LSM14A: variants seen among roughly 807,000 people sequenced by gnomAD.
LSM14A encodes the protein protein LSM14 homolog A.
A neutral mutation model predicts 52.4 loss-of-function variants in LSM14A; 14 were observed. That is an observed-to-expected ratio of 0.27 (90% CI 0.18 to 0.42). The LOEUF (loss-of-function observed/expected upper bound fraction) is 0.42. LSM14A is among the 10% of genes least tolerant of loss of function. The pLI, the probability that LSM14A is intolerant of heterozygous loss-of-function variation, is 1.00. For synonymous variants in LSM14A, 185 were observed against 200.3 expected, an observed-to-expected ratio of 0.92 and a Z score of 0.64; for missense variants, 417 against 581.8, an observed-to-expected ratio of 0.72 and a Z score of 2.91.
chr19:34,197,235 T>C (rs926073370), intron 3 of LSM14A, among the ~76,000 whole-genome samples: 1 of 151,528 alleles, frequency 6.6e-6, no homozygotes, highest in Non-Finnish European at 1.5e-5. Context: ...GAGATTACGA[T>C]ATGCATCACC....
chr19:34,225,144 C>T (rs1290064993), intron 9 of LSM14A, among the ~76,000 whole-genome samples: 1 of 152,188 alleles, frequency 6.6e-6, no homozygotes, highest in Non-Finnish European at 1.5e-5. Flanking sequence ...ACACTCAGCT[C>T]AACATGGAGC....
chr19:34,194,461 C>G lies in LSM14A; in HGVS notation c.122-17C>G. Reference sequence around the variant, plus strand: ...GATGAGTAGTCACACATCTCATATCCTTTGTTTTCTTGCCAGTTCGATCCT... The same window carrying G: ...GATGAGTAGTCACACATCTCATATCGTTTGTTTTCTTGCCAGTTCGATCCT... On this transcript the variant is annotated splice_polypyrimidine_tract_variant and intron_variant, in intron 1 of 9. Transcript: ENST00000544216. The G allele has an allele frequency of 6.2e-7, 1 of 1,612,802 alleles. No individual in the cohort carries two copies. Among genetic ancestry groups the G allele is most frequent in the Non-Finnish European group, 8.5e-7 (1 of 1,178,942 alleles).
rs1568506311 is a variant in LSM14A, at chr19:34,227,356, CT to C, written c.1369-3del. The C allele has an allele frequency of 6.3e-7, 1 of 1,580,500 alleles. No individual in the cohort carries two copies. The highest frequency in any genetic ancestry group is 8.6e-7 in the Non-Finnish European group (1 of 1,164,512). ...TGGAACATGAGCTAAATTTTTTTTTCTTTTTTAGAAAGACAACAAAGTTGCT... is the reference window on the plus strand; with the variant it reads ...TGGAACATGAGCTAAATTTTTTTTTCTTTTTAGAAAGACAACAAAGTTGCT... On this transcript the variant is annotated splice_polypyrimidine_tract_variant and splice_region_variant and intron_variant, in intron 9 of 9. Transcript: ENST00000544216.
At chr19:34,206,903 G>A (rs569209927) in intron 3 of LSM14A, among the ~76,000 whole-genome samples, 3 of 152,188 alleles carry the variant, frequency 2.0e-5, no homozygotes, top group Non-Finnish European at 4.4e-5. Flanking sequence ...CTGCGAAGCT[G>A]CAACATTTGA....
intron 2 of LSM14A, among the ~76,000 whole-genome samples, chr19:34,195,694 A>G (rs2070783046): frequency 6.6e-6 from 1 of 152,212 alleles, no homozygotes; most frequent in African/African-American, 2.4e-5. Flanking sequence ...CTTTAAATGG[A>G]GAAGGAAGAG....
rs762450044 is a variant in LSM14A at position 34,219,548 on chromosome 19, G to A, written c.939G>A (p.Glu313=). The A allele has an allele frequency of 1.2e-6, 2 of 1,610,376 alleles. No homozygotes were observed. Among genetic ancestry groups the A allele is most frequent in the Non-Finnish European group, 1.7e-6 (2 of 1,178,408 alleles). The change falls in exon 7 of 10, where the codon GAG becomes GAA. Residue 313 remains glutamate (E), a synonymous_variant. Coordinates refer to ENST00000544216, the MANE Select transcript of LSM14A (RefSeq NM_015578.4). ...AQFNKEEIDR[E]FHNKLKLKED... The stretch of plus-strand genomic sequence containing the variant: ...TCAACAAGGAAGAGATTGACAGAGA[G>A]TTTCATAATAAACTTAAATTAAAAG...
intron 1 of LSM14A, among the ~76,000 whole-genome samples, chr19:34,192,667 A>G (rs1166653206): frequency 7.0e-6 from 1 of 143,214 alleles, no homozygotes; most frequent in African/African-American, 2.6e-5. Flanking sequence ...AAAAAAAAAA[A>G]GCGTATGCAT....
chr19:34,215,587 C>T lies in LSM14A; in HGVS notation c.716-9C>T. ...GTTGATTTGGCACTTTGCATGTCTT[C>T]TTCTGTAGCTGAAGTACACAAAGTT... On this transcript the variant is annotated splice_polypyrimidine_tract_variant and intron_variant, in intron 5 of 9. Coordinates refer to ENST00000544216, the MANE Select transcript of LSM14A (RefSeq NM_015578.4). 6.2e-7 allele frequency: 1 copy of T among 1,608,888 alleles called. No individual in the cohort carries two copies.
chr19:34,220,625 T>G (rs1489665593), intron 8 of LSM14A, among the ~76,000 whole-genome samples: 3 of 152,344 alleles, frequency 2.0e-5, no homozygotes, highest in Non-Finnish European at 4.4e-5. Context: ...AAATTGTCAT[T>G]GTCCTTGTCC....
intron 1 of LSM14A, among the ~76,000 whole-genome samples, chr19:34,174,371 C>G (rs528510386): frequency 6.6e-6 from 1 of 152,338 alleles, no homozygotes; most frequent in East Asian, 1.9e-4. Context: ...AGTTGCACAA[C>G]TCTGCAAATT....
chr19:34,208,423 G>GTT (rs1321774747), intron 3 of LSM14A: 1 of 152,216 alleles, frequency 6.6e-6, no homozygotes, highest in African/African-American at 2.4e-5. Flanking sequence ...ACTTTTTGCA[G>GTT]CTGCTTTAGG....
At chr19:34,173,935 T>TTTA (rs958971707) in intron 1 of LSM14A, among the ~76,000 whole-genome samples, 1 of 23,830 alleles carries the variant, frequency 4.2e-5, no homozygotes, top group African/African-American at 4.2e-4. Context: ...TGGTAAATCC[T>TTTA]TTATTTATTT....
intron 3 of LSM14A, chr19:34,208,255 G>A (rs1217799956): frequency 6.6e-6 from 1 of 152,190 alleles, no homozygotes. Flanking sequence ...TTGAAATATA[G>A]TGAAAACCTG....
intron 3 of LSM14A, among the ~76,000 whole-genome samples, chr19:34,198,844 G>A (rs1599686134): frequency 1.3e-5 from 2 of 151,760 alleles, no homozygotes; most frequent in African/African-American, 2.4e-5. Flanking sequence ...AAAATTAGCC[G>A]GGCGTGGTGG....
At chr19:34,196,878 CTT>C (rs926975345) in intron 3 of LSM14A, 115 bp downstream of exon 3, 198 of 923,982 alleles carry the variant, frequency 2.1e-4, no homozygotes, top group Non-Finnish European at 2.9e-4. Flanking sequence ...CCTTTTGTAA[CTT>C]TGTTTTATGG....
intron 1 of LSM14A, among the ~76,000 whole-genome samples, chr19:34,179,770 C>T (rs2069343444): frequency 6.6e-6 from 1 of 152,094 alleles, no homozygotes; most frequent in African/African-American, 2.4e-5. Context: ...TAACTCAGTG[C>T]CACAGTAATA....
intron 1 of LSM14A, among the ~76,000 whole-genome samples, chr19:34,188,914 C>T (rs938885221): frequency 7.9e-5 from 12 of 151,766 alleles, no homozygotes; most frequent in African/African-American, 1.2e-4. Flanking sequence ...TACCATTTGG[C>T]TGTTTTGAAT....
chr19:34,173,003 C>T (rs1280052629), intron 1 of LSM14A, among the ~76,000 whole-genome samples: 1 of 152,196 alleles, frequency 6.6e-6, no homozygotes, highest in African/African-American at 2.4e-5. Context: ...ACTGAGTGCG[C>T]GGCGGGCGGC....
At chr19:34,215,344 G>T (rs749139915) in intron 5 of LSM14A, 44 bp downstream of exon 5, 1 of 1,504,750 alleles carries the variant, frequency 6.6e-7, no homozygotes, top group Admixed American at 2.2e-5. Flanking sequence ...ACTGATCAAT[G>T]TTTTCCACTC....
Sources: gnomAD v4.1 joint callset for allele counts (sites outside exome capture counted in the v4.1 genomes callset) on GRCh38, gnomAD v4.1.1 for gene constraint, MANE v1.5 for transcripts, NCBI Gene and HGNC (gene_info 2026-07-23, HGNC 2026-07-21) for gene names.